Variants in GINS4 observed in about 807,000 individuals in gnomAD.
The protein encoded by GINS4 is GINS complex subunit 4.
In GINS4, 20 loss-of-function variants were observed where a neutral mutation model predicts 31.1. That is an observed-to-expected ratio of 0.64 (90% CI 0.45 to 0.93). GINS4 has a LOEUF of 0.93. Ranked by LOEUF, GINS4 falls within the 40% of genes least tolerant of loss-of-function variation. GINS4 has a pLI of 0.00. For synonymous variants in GINS4, 85 were observed against 97.9 expected (o/e 0.87, Z 0.78); for missense variants, 245 against 273.9 (o/e 0.89, Z 0.75).
chr8:41,536,707 A>G (rs915873697), intron 3 of GINS4, among the ~76,000 whole-genome samples: 1 of 152,218 alleles, frequency 6.6e-6, no homozygotes, highest in Non-Finnish European at 1.5e-5. Context: ...GTCCCATGAG[A>G]GCTGTCCATC....
intron 6 of GINS4, among the ~76,000 whole-genome samples, chr8:41,541,539 G>C (rs1303758056): frequency 6.6e-6 from 1 of 152,178 alleles, no homozygotes; most frequent in African/African-American, 2.4e-5. Context: ...ACACAGTGTA[G>C]CCCATAACAC....
At chr8:41,531,663 C>G (rs1806649799) in intron 2 of GINS4, among the ~76,000 whole-genome samples, 3 of 152,192 alleles carry the variant, frequency 2.0e-5, no homozygotes, top group Admixed American at 1.3e-4. Context: ...CAATAACGCA[C>G]ACATGCACCC....
intron 2 of GINS4, among the ~76,000 whole-genome samples, chr8:41,532,745 A>T (rs936482489): frequency 5.3e-5 from 8 of 151,260 alleles, no homozygotes; most frequent in Admixed American, 4.0e-4. Context: ...AGGCAGGAGA[A>T]TCTCTTGAAC....
rs778406591 is a variant in GINS4 at position 41,536,413 on chromosome 8, T to G, written c.150T>G (p.Ile50Met). Reference protein sequence around the residue: ...APELLESKPEIVECVMEQLEH... With the variant: ...APELLESKPEMVECVMEQLEH... The stretch of plus-strand genomic sequence containing the variant: ...AGCTGCTGGAGAGCAAGCCTGAGAT[T>G]GTAGAATGTGTCATGGAACAGCTGG... Residue 50 changes from isoleucine (I) to methionine (M), a missense_variant, in exon 3 of 8, where the codon ATT (isoleucine) becomes ATG (methionine). By Grantham distance (10) the Ile-to-Met change is conservative. Coordinates refer to ENST00000276533, the MANE Select transcript of GINS4 (RefSeq NM_032336.3). 20 of 1,611,298 alleles carry G rather than the reference T, an allele frequency of 1.2e-5. No homozygotes were observed. The highest frequency in any genetic ancestry group is 1.6e-5 in the Non-Finnish European group (19 of 1,177,500).
intron 2 of GINS4, chr8:41,534,025 G>A: frequency 6.2e-6 from 1 of 161,380 alleles, no homozygotes; most frequent in South Asian, 1.6e-4. Flanking sequence ...TACAGTCACG[G>A]TCTGAGGTCC....
Position 41,539,899 on chromosome 8 carries a change from G to T in GINS4, c.396-17G>T, listed in dbSNP as rs1421900786. The T allele has an allele frequency of 6.2e-6, 10 of 1,612,242 alleles. No individual in the cohort carries two copies. The highest frequency in any genetic ancestry group is 1.3e-5 in the African/African-American group (1 of 74,874). On this transcript the variant is annotated splice_polypyrimidine_tract_variant and intron_variant, in intron 5 of 7. Transcript: ENST00000276533. ...TCAGCTGTGTACACCACAGCGATTTGAATCCATGTCTTTCAGGTTCATGGC... is the reference window on the plus strand; with the variant it reads ...TCAGCTGTGTACACCACAGCGATTTTAATCCATGTCTTTCAGGTTCATGGC...
chr8:41,540,342 C>A, intron 6 of GINS4: 1 of 347,662 alleles, frequency 2.9e-6, no homozygotes, highest in Non-Finnish European at 5.4e-6. Context: ...AGAGCCTACA[C>A]CAACATTGCC....
At chr8:41,536,885 G>C (rs539549911) in intron 3 of GINS4, among the ~76,000 whole-genome samples, 1 of 152,316 alleles carries the variant, frequency 6.6e-6, no homozygotes, top group East Asian at 1.9e-4. Flanking sequence ...CAGTTTCTCA[G>C]CTGGTGTTTT....
At chr8:41,539,313 C>G (rs1047818082) in intron 4 of GINS4, among the ~76,000 whole-genome samples, 1 of 111,132 alleles carries the variant, frequency 9.0e-6, no homozygotes, top group African/African-American at 3.9e-5. Context: ...CAATGAGACT[C>G]CATCTCAAAA....
At position 41,530,256 on chromosome 8, in the gene GINS4, A is replaced by C; in HGVS notation, c.54A>C (p.Glu18Asp). Reference protein sequence around the residue: ...LGQDSDGGSEEVVLTPAELIE... With the variant: ...LGQDSDGGSEDVVLTPAELIE... Reference sequence around the variant, plus strand: ...AGGACTCTGATGGGGGTAGTGAGGAAGTGGTCCTAACTCCTGCAGAGCTCA... The same window carrying C: ...AGGACTCTGATGGGGGTAGTGAGGACGTGGTCCTAACTCCTGCAGAGCTCA... The change falls in exon 2 of 8, where the codon GAA (glutamate) becomes GAC (aspartate). Residue 18 changes from glutamate (E) to aspartate (D), a missense_variant. By Grantham distance (45) the Glu-to-Asp change is conservative. Transcript: ENST00000276533. 3 of 1,614,018 alleles carry C rather than the reference A, an allele frequency of 1.9e-6. No homozygotes were observed. The highest frequency in any genetic ancestry group is 8.5e-7 in the Non-Finnish European group (1 of 1,179,902).
chr8:41,536,581 T>C, intron 3 of GINS4, 135 bp downstream of exon 3: 1 of 610,938 alleles, frequency 1.6e-6, no homozygotes, highest in East Asian at 2.7e-5. Flanking sequence ...TAAAACAACA[T>C]TGAATTAGTT....
chr8:41,529,609 C>A (rs947056999), intron 1 of GINS4: 2 of 152,298 alleles, frequency 1.3e-5, no homozygotes, highest in Non-Finnish European at 1.5e-5. Context: ...ATCTTCCTAA[C>A]AATTTTTGTT....
intron 7 of GINS4, 28 bp downstream of exon 7, chr8:41,541,927 G>A (rs891279705): frequency 3.1e-6 from 5 of 1,611,250 alleles, no homozygotes; most frequent in Non-Finnish European, 2.5e-6. Context: ...TTCACAGTGG[G>A]CACATTCCTC....
In GINS4 at chr8:41,537,311, C is replaced by G. The variant is rs1008556456; in HGVS notation, c.297+18C>G. 4.6e-6 allele frequency: 7 copies of G among 1,537,478 alleles called. No individual in the cohort carries two copies. The highest frequency in any genetic ancestry group is 1.7e-5 in the Admixed American group (1 of 59,148). ...TCATGAAGGTTTGACGTGGAGATAC[C>G]TGGAGGGATTGAGACAGCACAGTCT... On this transcript the variant is annotated intron_variant, in intron 4 of 7. Coordinates refer to ENST00000276533, the MANE Select transcript of GINS4 (RefSeq NM_032336.3).
At chr8:41,541,482 C>T (rs1165706909) in intron 6 of GINS4, among the ~76,000 whole-genome samples, 2 of 152,166 alleles carry the variant, frequency 1.3e-5, no homozygotes, top group Non-Finnish European at 2.9e-5. Flanking sequence ...TACAATCCCA[C>T]GCTGAAATAC....
intron 2 of GINS4, 112 bp downstream of exon 2, chr8:41,530,410 C>A: frequency 1.4e-6 from 1 of 709,680 alleles, no homozygotes; most frequent in Non-Finnish European, 2.4e-6. Flanking sequence ...TACTTTAGAA[C>A]AGGGACTGGA....
At chr8:41,538,207 C>T (rs1472344505) in intron 4 of GINS4, among the ~76,000 whole-genome samples, 2 of 152,176 alleles carry the variant, frequency 1.3e-5, no homozygotes, top group Admixed American at 6.5e-5. Flanking sequence ...AGTCTTCTCT[C>T]AGGCATACAT....
At chr8:41,530,694 AT>A (rs934634596) in intron 2 of GINS4, among the ~76,000 whole-genome samples, 22 of 151,970 alleles carry the variant, frequency 1.4e-4, no homozygotes, top group Non-Finnish European at 2.8e-4. Context: ...AACTGGTCAT[AT>A]TTTTCCTTTT....
At chr8:41,532,546 T>C (rs1269668086) in intron 2 of GINS4, among the ~76,000 whole-genome samples, 1 of 151,800 alleles carries the variant, frequency 6.6e-6, no homozygotes, top group African/African-American at 2.4e-5. Flanking sequence ...ATTAAGAATA[T>C]AGGGCAGGCC....
Sources: allele counts gnomAD v4.1 joint callset (sites outside exome capture counted in the v4.1 genomes callset), GRCh38; gene constraint gnomAD v4.1.1; transcripts MANE v1.5; gene names NCBI Gene and HGNC (gene_info 2026-07-23, HGNC 2026-07-21).